The following ANO10 variants were observed in gnomAD, a reference collection of about 807,000 sequenced individuals.
The protein encoded by ANO10 is anoctamin-10.
ANO10 carries 77 observed loss-of-function variants against 74.7 expected under a neutral mutation model. The observed-to-expected ratio is 1.03, with a 90% confidence interval of 0.86 to 1.25. ANO10 has a LOEUF of 1.25. Ranked by LOEUF, ANO10 falls within the 50% of genes most tolerant of loss-of-function variation. ANO10 has a pLI of 0.00. For synonymous variants in ANO10, 279 were observed against 284.9 expected, an observed-to-expected ratio of 0.98 and a Z score of 0.21; for missense variants, 721 against 778.1, an observed-to-expected ratio of 0.93 and a Z score of 0.87.
At chr3:43,689,180 A>G (rs1275902459) in intron 1 of ANO10, 1 of 152,212 alleles carries the variant, frequency 6.6e-6, no homozygotes, top group African/African-American at 2.4e-5. Flanking sequence ...CCCACCTCTA[A>G]CACTGGAGAT....
intron 9 of ANO10, among the ~76,000 whole-genome samples, chr3:43,559,052 C>A (rs113376791): frequency 2.0e-5 from 3 of 152,324 alleles, no homozygotes; most frequent in African/African-American, 7.2e-5. Context: ...AAGGCAAGGT[C>A]TTGAACCTTC....
chr3:43,581,953 T>C (rs963075856), intron 4 of ANO10, among the ~76,000 whole-genome samples: 1 of 149,948 alleles, frequency 6.7e-6, no homozygotes, highest in Non-Finnish European at 1.5e-5. Context: ...AAAAAAAAGA[T>C]AAAATTTGCA....
intron 12 of ANO10, among the ~76,000 whole-genome samples, chr3:43,431,722 C>T (rs1366565151): frequency 6.6e-6 from 1 of 151,950 alleles, no homozygotes; most frequent in African/African-American, 2.4e-5. Context: ...ATCACAAGTC[C>T]TCTTCTGGAG....
At chr3:43,499,824 T>C (rs2077037490) in intron 11 of ANO10, among the ~76,000 whole-genome samples, 1 of 151,890 alleles carries the variant, frequency 6.6e-6, no homozygotes. Context: ...GTTAATGTAC[T>C]ACTAGATTTT....
chr3:43,400,588 A>G (rs1184444835), intron 12 of ANO10, among the ~76,000 whole-genome samples: 1 of 152,126 alleles, frequency 6.6e-6, no homozygotes, highest in East Asian at 1.9e-4. Context: ...AGCCTGGGCA[A>G]CATGGCAAAA....
intron 1 of ANO10, among the ~76,000 whole-genome samples, chr3:43,637,152 A>C (rs1336097056): frequency 1.3e-5 from 2 of 152,162 alleles, no homozygotes; most frequent in Non-Finnish European, 2.9e-5. Context: ...CCTGGGTGAC[A>C]GAGTGAGACC....
At chr3:43,676,187 T>C (rs1198326629) in intron 1 of ANO10, among the ~76,000 whole-genome samples, 1 of 152,104 alleles carries the variant, frequency 6.6e-6, no homozygotes, top group Admixed American at 6.6e-5. Context: ...AGGCCAAGTA[T>C]GGTGGCTCAG....
chr3:43,680,966 G>A (rs900211043), intron 1 of ANO10, among the ~76,000 whole-genome samples: 1 of 152,196 alleles, frequency 6.6e-6, no homozygotes, highest in Non-Finnish European at 1.5e-5. Flanking sequence ...ACCAGCCGCT[G>A]CAAAAACATG....
At chr3:43,664,580 C>T (rs1400639977) in intron 1 of ANO10, among the ~76,000 whole-genome samples, 2 of 152,200 alleles carry the variant, frequency 1.3e-5, no homozygotes, top group Non-Finnish European at 2.9e-5. Flanking sequence ...AAACTATCAT[C>T]AGAGTGAACA....
chr3:43,437,001 A>C (rs1341037777), intron 11 of ANO10, among the ~76,000 whole-genome samples: 1 of 152,214 alleles, frequency 6.6e-6, no homozygotes, highest in Non-Finnish European at 1.5e-5. Context: ...GCCCTGAAAA[A>C]GGTATCCTCT....
chr3:43,436,572 AG>A (rs2093070564), intron 11 of ANO10, among the ~76,000 whole-genome samples: 2 of 152,174 alleles, frequency 1.3e-5, no homozygotes, highest in South Asian at 4.1e-4. Context: ...TGCCTTAAAA[AG>A]TGATTATAGG....
At chr3:43,542,810 C>T (rs1287147879) in intron 11 of ANO10, among the ~76,000 whole-genome samples, 1 of 152,218 alleles carries the variant, frequency 6.6e-6, no homozygotes, top group Non-Finnish European at 1.5e-5. Flanking sequence ...AGAACTGCAG[C>T]TCACATCCCC....
chr3:43,368,199 T>C (rs920950384), intron 12 of ANO10, among the ~76,000 whole-genome samples: 6 of 152,288 alleles, frequency 3.9e-5, no homozygotes, highest in Non-Finnish European at 8.8e-5. Flanking sequence ...TGGCTGGCCC[T>C]TTCTTATCCA....
intron 1 of ANO10, among the ~76,000 whole-genome samples, chr3:43,630,594 C>T (rs191432751): frequency 9.7e-4 from 148 of 152,292 alleles, no homozygotes; most frequent in Middle Eastern, 3.4e-3. Context: ...CAAATGCACC[C>T]AGATGCCCCT....
At chr3:43,607,347 CAAAA>C (rs1320541571) in intron 1 of ANO10, among the ~76,000 whole-genome samples, 1 of 147,490 alleles carries the variant, frequency 6.8e-6, no homozygotes, top group African/African-American at 2.5e-5. Context: ...AAAAAAAAAA[CAAAA>C]CAAACAAACA....
intron 11 of ANO10, among the ~76,000 whole-genome samples, chr3:43,436,722 G>A (rs913211971): frequency 2.6e-5 from 4 of 152,176 alleles, no homozygotes; most frequent in African/African-American, 4.8e-5. Flanking sequence ...TCACTGCAGG[G>A]TTGTCAAACC....
At chr3:43,682,012 T>G (rs1396192702) in intron 1 of ANO10, among the ~76,000 whole-genome samples, 3 of 151,896 alleles carry the variant, frequency 2.0e-5, no homozygotes, top group African/African-American at 7.3e-5. Flanking sequence ...ACATCACAAT[T>G]AAAAGAAATA....
At chr3:43,643,838 C>T (rs377176287) in intron 1 of ANO10, among the ~76,000 whole-genome samples, 6 of 150,890 alleles carry the variant, frequency 4.0e-5, no homozygotes, top group Non-Finnish European at 7.4e-5. Flanking sequence ...CACCCGCCAC[C>T]ACGCCCAGCT....
intron 1 of ANO10, among the ~76,000 whole-genome samples, chr3:43,652,753 A>G (rs2149569270): frequency 6.6e-6 from 1 of 152,262 alleles, no homozygotes; most frequent in South Asian, 2.1e-4. Flanking sequence ...CTTTCAAAGC[A>G]TGTTATCAAG....
Sources: gnomAD v4.1 joint callset for allele counts (sites outside exome capture counted in the v4.1 genomes callset) on GRCh38, gnomAD v4.1.1 for gene constraint, MANE v1.5 for transcripts, NCBI Gene and HGNC (gene_info 2026-07-23, HGNC 2026-07-21) for gene names.